TBC1D22A: variants seen among roughly 807,000 people sequenced by gnomAD.
TBC1D22A encodes TBC1 domain family member 22A, also known as putative GTPase activator.
In TBC1D22A, 38 loss-of-function variants were observed where a neutral mutation model predicts 60.2. That is an observed-to-expected ratio of 0.63 (90% CI 0.49 to 0.83). The LOEUF (loss-of-function observed/expected upper bound fraction) is 0.83. TBC1D22A is among the 40% of genes least tolerant of loss of function. TBC1D22A has a pLI of 0.00. For missense variants in TBC1D22A, 628 were observed against 701.0 expected (o/e 0.90, Z 1.18); for synonymous variants, 302 against 281.7 (o/e 1.07, Z -0.72).
At chr22:46,974,229 C>T (rs1265923821) in intron 8 of TBC1D22A, 61 bp from the exon 9 acceptor site, 66 of 1,430,656 alleles carry the variant, frequency 4.6e-5, no homozygotes, top group Non-Finnish European at 5.8e-5. Flanking sequence ...TGGGCCCCCT[C>T]GTGGGTCGAG....
chr22:47,003,159 T>G (rs1164076932), intron 10 of TBC1D22A, among the ~76,000 whole-genome samples: 2 of 152,092 alleles, frequency 1.3e-5, no homozygotes, highest in Non-Finnish European at 2.9e-5. Flanking sequence ...AGTGAACAAT[T>G]TTTTAATATA....
At chr22:47,150,833 G>A (rs1355322440) in intron 12 of TBC1D22A, among the ~76,000 whole-genome samples, 1 of 152,136 alleles carries the variant, frequency 6.6e-6, no homozygotes, top group Non-Finnish European at 1.5e-5. Flanking sequence ...CCTCCCTTGG[G>A]ACCAGATAGC....
At chr22:46,966,250 C>T (rs1000449247) in intron 8 of TBC1D22A, among the ~76,000 whole-genome samples, 9 of 152,154 alleles carry the variant, frequency 5.9e-5, no homozygotes, top group African/African-American at 1.9e-4. Context: ...GGTCGGGCTC[C>T]GTGCCTTCTG....
intron 10 of TBC1D22A, among the ~76,000 whole-genome samples, chr22:47,007,512 C>A (rs1322621513): frequency 6.6e-6 from 1 of 152,196 alleles, no homozygotes; most frequent in Non-Finnish European, 1.5e-5. Context: ...TAATAACATA[C>A]CACAGGCTGG....
At chr22:46,977,243 G>A (rs1035160243) in intron 9 of TBC1D22A, among the ~76,000 whole-genome samples, 1 of 152,208 alleles carries the variant, frequency 6.6e-6, no homozygotes, top group Non-Finnish European at 1.5e-5. Context: ...GGATGTCCTG[G>A]ATGGTCATAA....
chr22:47,049,144 G>T (rs1473259083), intron 11 of TBC1D22A, among the ~76,000 whole-genome samples: 2 of 152,176 alleles, frequency 1.3e-5, no homozygotes, highest in African/African-American at 2.4e-5. Flanking sequence ...AGCTCTGCCG[G>T]GTACACGTTG....
intron 8 of TBC1D22A, among the ~76,000 whole-genome samples, chr22:46,971,600 G>A (rs370732079): frequency 5.2e-4 from 79 of 152,318 alleles, no homozygotes; most frequent in African/African-American, 1.9e-3. Flanking sequence ...CTGTCTATTT[G>A]CTTGGCTTTT....
chr22:46,926,542 T>C (rs2147868311), intron 8 of TBC1D22A, among the ~76,000 whole-genome samples: 1 of 152,314 alleles, frequency 6.6e-6, no homozygotes, highest in Admixed American at 6.5e-5. Flanking sequence ...TGGTGCCCTG[T>C]TGTTTGGTCC....
At chr22:47,070,004 G>A (rs2063918720) in intron 11 of TBC1D22A, among the ~76,000 whole-genome samples, 1 of 133,352 alleles carries the variant, frequency 7.5e-6, no homozygotes, top group South Asian at 2.4e-4. Flanking sequence ...GACGGTCCCA[G>A]CGCTGTCCCC....
At chr22:46,893,822 C>G (rs1481763519) in intron 6 of TBC1D22A, among the ~76,000 whole-genome samples, 1 of 152,220 alleles carries the variant, frequency 6.6e-6, no homozygotes, top group Non-Finnish European at 1.5e-5. Context: ...CTTTGGCACG[C>G]ATCACAGATG....
chr22:47,147,639 C>T (rs2067335289), intron 12 of TBC1D22A, among the ~76,000 whole-genome samples: 1 of 152,242 alleles, frequency 6.6e-6, no homozygotes, highest in African/African-American at 2.4e-5. Context: ...GTTGGTCGCA[C>T]ACAGAGCATT....
intron 10 of TBC1D22A, among the ~76,000 whole-genome samples, chr22:47,007,845 C>T (rs1327648978): frequency 3.3e-5 from 5 of 152,202 alleles, no homozygotes; most frequent in Admixed American, 6.5e-5. Context: ...TCTCCAGATA[C>T]AGCCACACTG....
At chr22:46,979,504 C>G (rs2074430144) in intron 9 of TBC1D22A, among the ~76,000 whole-genome samples, 1 of 152,218 alleles carries the variant, frequency 6.6e-6, no homozygotes, top group Admixed American at 6.5e-5. Context: ...ACCAAGTGCT[C>G]TCCTTGACGA....
chr22:46,797,704 T>C (rs972503106), intron 4 of TBC1D22A, 84 bp downstream of exon 4: 133 of 1,402,458 alleles, frequency 9.5e-5, no homozygotes, highest in Non-Finnish European at 1.2e-4. Flanking sequence ...ATTCTATGTA[T>C]GCTTATGTAA....
rs1367444127 is a variant in TBC1D22A, at chr22:46,777,369, G to A, written c.62+14521G>A. Among the ~76,000 whole-genome samples the A allele has an allele frequency of 1.3e-5, 2 of 152,150 alleles. No homozygotes were observed. Among genetic ancestry groups the A allele is most frequent in the Non-Finnish European group, 2.9e-5 (2 of 68,018 alleles). ...TGGTAGAGAGTGATGTTGTCCAAGG[G>A]TGGGGACCGAAGAGTGGGTGTGAGG... On this transcript the variant is annotated intron_variant, in intron 1 of 12. Coordinates refer to ENST00000337137, the MANE Select transcript of TBC1D22A (RefSeq NM_014346.5). The surrounding 1 kb of genome is among the most constrained non-coding windows in gnomAD (Gnocchi z 4.5).
chr22:46,853,121 G>C (rs1419388135), intron 4 of TBC1D22A, among the ~76,000 whole-genome samples: 2 of 152,174 alleles, frequency 1.3e-5, no homozygotes, highest in African/African-American at 4.8e-5. Context: ...GGGGGCCTGA[G>C]AGGATGACGG....
chr22:47,098,278 G>A (rs1236590562), intron 11 of TBC1D22A, among the ~76,000 whole-genome samples: 3 of 152,184 alleles, frequency 2.0e-5, no homozygotes, highest in Non-Finnish European at 4.4e-5. Context: ...CCTGTCCCCA[G>A]AGTCCTACCC....
chr22:46,853,956 T>C (rs981628105), intron 4 of TBC1D22A, among the ~76,000 whole-genome samples: 1 of 152,214 alleles, frequency 6.6e-6, no homozygotes, highest in Non-Finnish European at 1.5e-5. Context: ...AATGGACACT[T>C]CGTGAAAAAT....
intron 1 of TBC1D22A, among the ~76,000 whole-genome samples, chr22:46,792,163 T>G (rs1004068694): frequency 2.6e-5 from 4 of 152,020 alleles, no homozygotes; most frequent in African/African-American, 9.7e-5. Flanking sequence ...TTTCTTCGAG[T>G]TTTTAGTCTG....
Sources: gnomAD v4.1 joint callset for allele counts (sites outside exome capture counted in the v4.1 genomes callset) on GRCh38, gnomAD v4.1.1 for gene constraint, Gnocchi (gnomAD v3.1) non-coding constraint, MANE v1.5 for transcripts, NCBI Gene and HGNC (gene_info 2026-07-23, HGNC 2026-07-21) for gene names.